Variants in S100A5 observed in about 807,000 individuals in gnomAD.
S100A5 encodes protein S100-A5.
A neutral mutation model predicts 6.7 loss-of-function variants in S100A5; 5 were observed. The observed-to-expected ratio is 0.75, with a 90% CI of 0.39 to 1.57. The LOEUF (loss-of-function observed/expected upper bound fraction) is 1.57, where lower values mean the gene tolerates loss of function less well. S100A5 is among the 40% of genes most tolerant of loss of function. S100A5 has a pLI of 0.03. For synonymous variants in S100A5, 49 were observed against 44.9 expected (o/e 1.09, Z -0.37); for missense variants, 129 against 110.8 (o/e 1.16, Z -0.74).
rs1276757761 is a variant in S100A5 at position 153,540,101 on chromosome 1, T to A, written c.91A>T (p.Arg31Trp). 3.1e-6 allele frequency: 5 copies of A among 1,614,020 alleles called. No individual in the cohort carries two copies. The highest frequency in any genetic ancestry group is 3.4e-6 in the Non-Finnish European group (4 of 1,180,030). Residue 31 changes from arginine to tryptophan, a missense_variant, in exon 2 of 3, where the codon AGG becomes TGG. By Grantham distance (101) the Arg-to-Trp change is moderately radical. Transcript: ENST00000368717. ...GREGSKLTLS[R>W]KELKELIKKE... ...TTGATCAGCTCCTTGAGTTCCTTCC[T>A]ACTCAGGGTCAGTTTGCTACCCTCT...
At chr1:153,543,105 T>G (rs544296348), upstream of S100A5, 24 of 478,838 alleles carry the variant, frequency 5.0e-5, no homozygotes, top group South Asian at 6.2e-4. Context: ...TTGAAGCCAA[T>G]GATCTGGAAG....
intron 2 of S100A5, among the ~76,000 whole-genome samples, chr1:153,538,134 G>C (rs1219263861): frequency 6.6e-6 from 1 of 152,150 alleles, no homozygotes; most frequent in African/African-American, 2.4e-5. Context: ...CTAAGGACTA[G>C]GTGAGAATAA....
At chr1:153,539,153 C>T (rs1359635035) in intron 2 of S100A5, among the ~76,000 whole-genome samples, 2 of 151,522 alleles carry the variant, frequency 1.3e-5, no homozygotes, top group Admixed American at 6.6e-5. Flanking sequence ...CTTGGCCAGG[C>T]GCAGTGGCTC....
At chr1:153,541,334 C>T (rs530438862), upstream of S100A5, 18 of 1,324,222 alleles carry the variant, frequency 1.4e-5, no homozygotes, top group Non-Finnish European at 1.7e-5. Context: ...CATCATCCAG[C>T]GTGACCCACC....
intron 2 of S100A5, among the ~76,000 whole-genome samples, chr1:153,539,176 C>T (rs927631666): frequency 1.3e-5 from 2 of 151,076 alleles, no homozygotes; most frequent in African/African-American, 4.9e-5. Flanking sequence ...GCCTGTAATC[C>T]CAACACTTTG....
chr1:153,543,135 T>C (rs748223499), upstream of S100A5: 149 of 755,674 alleles, frequency 2.0e-4, no homozygotes, highest in Non-Finnish European at 2.3e-4. Flanking sequence ...GGACAGGGCC[T>C]GGACTGTCAA....
upstream of S100A5, chr1:153,541,460 T>G (rs766826932): frequency 7.3e-7 from 1 of 1,367,632 alleles, no homozygotes; most frequent in Admixed American, 1.9e-5. Flanking sequence ...TTTATTTCCC[T>G]GATCTCTGTC....
chr1:153,539,477 T>TATATATATATATA (rs35924194), intron 2 of S100A5, among the ~76,000 whole-genome samples: 7 of 73,010 alleles, frequency 9.6e-5, no homozygotes, highest in African/African-American at 3.0e-4. Flanking sequence ...ATATATATAT[T>TATATATATATATA]TATTTATTTA....
intron 2 of S100A5, among the ~76,000 whole-genome samples, chr1:153,539,450 A>T (rs11297915): frequency 0.12 from 3,343 of 28,302 alleles, 234 homozygotes; most frequent in Non-Finnish European, 0.15. Context: ...AAAAAAAAAA[A>T]ATATATATAT....
chr1:153,538,730 AG>A (rs1241222580), intron 2 of S100A5, among the ~76,000 whole-genome samples: 2 of 152,326 alleles, frequency 1.3e-5, no homozygotes, highest in East Asian at 3.9e-4. Flanking sequence ...GGAAACAGGG[AG>A]GATGATTCAC....
intron 2 of S100A5, among the ~76,000 whole-genome samples, chr1:153,539,450 A>AAAAAACAT (rs1553214691): frequency 3.2e-5 from 1 of 31,196 alleles, no homozygotes; most frequent in Non-Finnish European, 6.0e-5. Context: ...AAAAAAAAAA[A>AAAAAACAT]ATATATATAT....
At chr1:153,538,271 C>T (rs1665252112) in intron 2 of S100A5, among the ~76,000 whole-genome samples, 1 of 152,164 alleles carries the variant, frequency 6.6e-6, no homozygotes, top group Admixed American at 6.5e-5. Context: ...TGTTCAGTCC[C>T]CTGATGTCCC....
intron 2 of S100A5, among the ~76,000 whole-genome samples, chr1:153,537,988 A>G (rs1284805106): frequency 6.6e-6 from 1 of 152,006 alleles, no homozygotes; most frequent in Non-Finnish European, 1.5e-5. Context: ...CGGAGGTTGC[A>G]GTAAGTAAGA....
In S100A5 at chr1:153,540,070, T is replaced by C. The variant is rs761753792; in HGVS notation, c.122A>G (p.Glu41Gly). The change falls in exon 2 of 3, where the codon GAG becomes GGG. Residue 41 changes from glutamate (E) to glycine (G), a missense_variant. By Grantham distance (98) the Glu-to-Gly change is moderately conservative (BLOSUM62 -2). Transcript: ENST00000368717. ...ATCACCTACCTCCCCAAGACACAGC[T>C]CTTTCTTGATCAGCTCCTTGAGTTC... ...RKELKELIKK[E>G]LCLGEMKESS... is the part of the protein sequence containing the mutation. The C allele has an allele frequency of 6.2e-7, 1 of 1,614,138 alleles. No homozygotes were observed. The highest frequency in any genetic ancestry group is 8.5e-7 in the Non-Finnish European group (1 of 1,180,022).
In S100A5 at chr1:153,537,258, A is replaced by G; in HGVS notation, c.*38T>C. The G allele has an allele frequency of 1.3e-6, 2 of 1,598,072 alleles. No individual in the cohort carries two copies. Among genetic ancestry groups the G allele is most frequent in the Non-Finnish European group, 1.7e-6 (2 of 1,167,418 alleles). ...TGTGAGAGGAGCAGCCGAGGTCAGC[A>G]GCAAAGGGTGGAGGGTGAGGGTGGA... On this transcript the variant is annotated 3_prime_UTR_variant, in exon 3 of 3. Transcript: ENST00000368717.
upstream of S100A5, among the ~76,000 whole-genome samples, chr1:153,542,479 T>G (rs974145505): frequency 6.6e-6 from 1 of 152,196 alleles, no homozygotes; most frequent in Non-Finnish European, 1.5e-5. Context: ...TCTCCTGAAC[T>G]GAAATTCCTC....
chr1:153,537,546 A>G, intron 2 of S100A5, 110 bp from the exon 3 acceptor site: 1 of 1,340,140 alleles, frequency 7.5e-7, no homozygotes, highest in South Asian at 1.3e-5. Context: ...GCCCCAGCTG[A>G]GTCAATGACA....
upstream of S100A5, among the ~76,000 whole-genome samples, chr1:153,542,111 G>C (rs1665409062): frequency 6.6e-6 from 1 of 152,168 alleles, no homozygotes; most frequent in Non-Finnish European, 1.5e-5. Context: ...TGGGGAGGGG[G>C]GTTCAGGTTC....
At chr1:153,543,101 C>T, upstream of S100A5, 2 of 451,608 alleles carry the variant, frequency 4.4e-6, no homozygotes, top group Non-Finnish European at 5.8e-6. Context: ...TGGTTTGAAG[C>T]CAATGATCTG....
Sources: allele counts gnomAD v4.1 joint callset (sites outside exome capture counted in the v4.1 genomes callset), GRCh38; gene constraint gnomAD v4.1.1; transcripts MANE v1.5; gene names NCBI Gene and HGNC (gene_info 2026-07-23, HGNC 2026-07-21).